Variants in UGT1A10 observed in about 807,000 individuals in gnomAD.
UGT1A10 encodes the protein UDP-glucuronosyltransferase 1A10.
Under a neutral mutation model 45.8 loss-of-function variants are expected in UGT1A10, and 49 were observed. That is an observed-to-expected ratio of 1.07 (90% CI 0.85 to 1.36). The LOEUF (loss-of-function observed/expected upper bound fraction) is 1.36. Ranked by LOEUF, UGT1A10 falls within the 40% of genes most tolerant of loss-of-function variation. The pLI, the probability that UGT1A10 is intolerant of heterozygous loss-of-function variation, is 0.00. For synonymous variants in UGT1A10, 284 were observed against 249.7 expected (o/e 1.14, Z -1.29); for missense variants, 745 against 668.6 (o/e 1.11, Z -1.26).
intron 1 of UGT1A10, among the ~76,000 whole-genome samples, chr2:233,726,328 C>T (rs2077525468): frequency 6.6e-6 from 1 of 152,196 alleles, no homozygotes; most frequent in Non-Finnish European, 1.5e-5. Context: ...GGAGTTTCAG[C>T]ACCTGTGGTT....
intron 4 of UGT1A10, among the ~76,000 whole-genome samples, chr2:233,768,740 G>A (rs6431630): frequency 0.18 from 26,721 of 151,438 alleles, 3,378 homozygotes; most frequent in African/African-American, 0.35. Context: ...CCACCACCAC[G>A]CCCGGTTAAT....
chr2:233,688,357 ATGT>A (rs2074889587), intron 1 of UGT1A10, among the ~76,000 whole-genome samples: 1 of 152,188 alleles, frequency 6.6e-6, no homozygotes, highest in South Asian at 2.1e-4. Context: ...ATGAAAAATA[ATGT>A]TGTTGTGAAC....
chr2:233,701,900 C>A lies in UGT1A10; in HGVS notation c.855+64523C>A, dbSNP rs182385495. Reference sequence around the variant, plus strand: ...GCCCACAAGAGAAAGCAGAAAAGATCTAAAATTGACACCCTAACATCACAA... The same window carrying A: ...GCCCACAAGAGAAAGCAGAAAAGATATAAAATTGACACCCTAACATCACAA... On this transcript the variant is annotated intron_variant, in intron 1 of 4. Coordinates refer to ENST00000344644, the MANE Select transcript of UGT1A10 (RefSeq NM_019075.4). Among the ~76,000 whole-genome samples, 549 of 152,132 alleles carry A rather than the reference C, an allele frequency of 3.6e-3. 1 individual carries two copies. Among genetic ancestry groups the A allele is most frequent in the Middle Eastern group, 0.014 (4 of 294 alleles).
At chr2:233,727,726 T>C (rs1372996162) in intron 1 of UGT1A10, among the ~76,000 whole-genome samples, 1 of 152,208 alleles carries the variant, frequency 6.6e-6, no homozygotes, top group Admixed American at 6.5e-5. Flanking sequence ...CAGACCTTCC[T>C]TTTCTGTGCC....
At chr2:233,639,353 G>T (rs2073387125) in intron 1 of UGT1A10, among the ~76,000 whole-genome samples, 1 of 152,116 alleles carries the variant, frequency 6.6e-6, no homozygotes, top group Admixed American at 6.5e-5. Context: ...AGAGGAATTC[G>T]ATCTCAAAGA....
chr2:233,651,775 A>G (rs756956420), intron 1 of UGT1A10, among the ~76,000 whole-genome samples: 1 of 152,174 alleles, frequency 6.6e-6, no homozygotes, highest in Non-Finnish European at 1.5e-5. Context: ...TGGAGTGTGC[A>G]TCTGTGCCTG....
chr2:233,692,171 A>C (rs1352392558), intron 1 of UGT1A10: 1 of 152,296 alleles, frequency 6.6e-6, no homozygotes, highest in East Asian at 1.9e-4. Context: ...GGCAGGGTTC[A>C]GAGAGCTTTC....
At chr2:233,662,490 T>A (rs775491901) in intron 1 of UGT1A10, among the ~76,000 whole-genome samples, 24 of 152,256 alleles carry the variant, frequency 1.6e-4, no homozygotes, top group Non-Finnish European at 2.6e-4. Flanking sequence ...ACTTATTGTA[T>A]CCTGCAACCA....
chr2:233,728,563 T>C (rs1454044996), intron 1 of UGT1A10, among the ~76,000 whole-genome samples: 1 of 152,134 alleles, frequency 6.6e-6, no homozygotes, highest in African/African-American at 2.4e-5. Flanking sequence ...TTACAAGAAA[T>C]ATCCTGGTGC....
intron 1 of UGT1A10, among the ~76,000 whole-genome samples, chr2:233,745,600 C>T (rs1179957536): frequency 6.6e-6 from 1 of 151,524 alleles, no homozygotes; most frequent in African/African-American, 2.4e-5. Flanking sequence ...GGACTTGGCA[C>T]TTGGTAAGCA....
intron 1 of UGT1A10, chr2:233,649,079 A>G: frequency 1.1e-6 from 1 of 910,188 alleles, no homozygotes; most frequent in Admixed American, 2.9e-5. Flanking sequence ...TGAATATTTA[A>G]AAAGATTCCT....
At chr2:233,714,585 C>T (rs1055592636) in intron 1 of UGT1A10, among the ~76,000 whole-genome samples, 2 of 152,172 alleles carry the variant, frequency 1.3e-5, no homozygotes, top group East Asian at 3.8e-4. Context: ...ATAATTTAAA[C>T]TTTTCTAGTG....
chr2:233,654,537 T>C (rs879911181), intron 1 of UGT1A10, among the ~76,000 whole-genome samples: 3 of 152,212 alleles, frequency 2.0e-5, no homozygotes. Flanking sequence ...CTGCAGTTGA[T>C]TATATATTCA....
At chr2:233,736,459 C>G (rs1461778368) in intron 1 of UGT1A10, among the ~76,000 whole-genome samples, 5 of 152,202 alleles carry the variant, frequency 3.3e-5, no homozygotes, top group Admixed American at 3.3e-4. Flanking sequence ...TTCGAACATG[C>G]ACTTTTAGCT....
At chr2:233,757,444 G>A (rs1344287126) in intron 1 of UGT1A10, among the ~76,000 whole-genome samples, 1 of 150,698 alleles carries the variant, frequency 6.6e-6, no homozygotes, top group Non-Finnish European at 1.5e-5. Context: ...CTTCTATACA[G>A]AAACATGTCC....
intron 4 of UGT1A10, chr2:233,771,059 G>A (rs1001475755): frequency 6.6e-6 from 1 of 152,046 alleles, no homozygotes; most frequent in Non-Finnish European, 1.5e-5. Flanking sequence ...TTTAATGACC[G>A]GCTCTCACAA....
intron 1 of UGT1A10, chr2:233,743,354 T>A: frequency 5.1e-6 from 5 of 972,108 alleles, no homozygotes. Flanking sequence ...GACATGGACT[T>A]GAAGCTGCCT....
At position 233,682,490 on chromosome 2, in the gene UGT1A10, G is replaced by A. The variant is rs1392204315; in HGVS notation, c.855+45113G>A. ...TCTTGAAGAAGGTGCACAGTGCCCT[G>A]CTCCTCTTTCCTATGTCCCCAGACT... On this transcript the variant is annotated intron_variant, in intron 1 of 4. Coordinates refer to ENST00000344644, the MANE Select transcript of UGT1A10 (RefSeq NM_019075.4). The A allele has an allele frequency of 5.6e-6, 9 of 1,613,902 alleles. No homozygotes were observed. Among genetic ancestry groups the A allele is most frequent in the South Asian group, 5.5e-5 (5 of 91,064 alleles).
intron 1 of UGT1A10, among the ~76,000 whole-genome samples, chr2:233,666,395 C>T (rs1006985987): frequency 3.3e-5 from 5 of 152,112 alleles, no homozygotes; most frequent in East Asian, 1.9e-4. Flanking sequence ...GCTATTTTAA[C>T]GGGATGTGGA....
Sources: allele counts gnomAD v4.1 joint callset (sites outside exome capture counted in the v4.1 genomes callset), GRCh38; gene constraint gnomAD v4.1.1; transcripts MANE v1.5; gene names NCBI Gene and HGNC (gene_info 2026-07-23, HGNC 2026-07-21).